The following NDUFS7 variants were observed in gnomAD, a reference collection of about 807,000 sequenced individuals.
NDUFS7 encodes NADH:ubiquinone oxidoreductase core subunit S7.
A neutral mutation model predicts 31.1 loss-of-function variants in NDUFS7; 11 were observed. The observed-to-expected ratio is 0.35, with a 90% CI of 0.22 to 0.59. The LOEUF (loss-of-function observed/expected upper bound fraction) is 0.59. Among genes scored for constraint, NDUFS7 ranks in the 20% least tolerant of loss-of-function variants. The pLI is 0.79. For missense variants in NDUFS7, 263 were observed against 324.2 expected (o/e 0.81, Z 1.45); for synonymous variants, 136 against 127.9 (o/e 1.06, Z -0.43).
intron 1 of NDUFS7, chr19:1,387,595 C>T (rs147676790): frequency 4.8e-5 from 29 of 598,010 alleles, no homozygotes; most frequent in East Asian, 8.5e-5. Flanking sequence ...GACGGGGCAG[C>T]GTTTGGGTTC....
chr19:1,394,841 T>G lies in NDUFS7; in HGVS notation c.545-550T>G, dbSNP rs1226148955. The stretch of plus-strand genomic sequence containing the variant: ...CTGCTGTCCCCGTTGGGCCCTGGGC[T>G]TCGTCCTCTTGCTCAAGCCCTTTGT... On this transcript the variant is annotated intron_variant, in intron 7 of 7. Transcript: ENST00000233627. 7 of 1,154,932 alleles carry G rather than the reference T, an allele frequency of 6.1e-6. No individual in the cohort carries two copies. In the East Asian group the frequency reaches 4.7e-4, roughly 78 times the overall value. The allele number at this position is 1,154,932 out of a possible 1,614,324, so 71.5% of individuals were successfully genotyped here.
intron 6 of NDUFS7, chr19:1,392,098 C>G (rs2082561803): frequency 6.6e-6 from 1 of 152,112 alleles, no homozygotes; most frequent in African/African-American, 2.4e-5. Context: ...CCACCCACCT[C>G]AGCCTCCCAA....
intron 7 of NDUFS7, chr19:1,394,686 TC>T: frequency 8.3e-7 from 1 of 1,210,448 alleles, no homozygotes; most frequent in Admixed American, 2.9e-5. Context: ...ACTGTGCTGC[TC>T]CCTCCCTGCG....
chr19:1,394,781 G>A (rs2082584543), intron 7 of NDUFS7: 1 of 1,183,680 alleles, frequency 8.4e-7, no homozygotes, highest in South Asian at 1.6e-5. Flanking sequence ...CCCAGGCCCT[G>A]CAGTGGCCTT....
chr19:1,390,753 C>T, intron 4 of NDUFS7, 118 bp from the exon 5 acceptor site: 1 of 1,228,294 alleles, frequency 8.1e-7, no homozygotes, highest in Non-Finnish European at 1.1e-6. Context: ...TGCCTCTCAC[C>T]TCTGCCGGCT....
chr19:1,389,182 C>T (rs1199597582), intron 4 of NDUFS7: 2 of 693,672 alleles, frequency 2.9e-6, no homozygotes, highest in Non-Finnish European at 5.2e-6. Flanking sequence ...CACACATGCA[C>T]ACACAAGCAC....
intron 6 of NDUFS7, chr19:1,392,039 A>C (rs1389294827): frequency 6.6e-6 from 1 of 151,688 alleles, no homozygotes; most frequent in East Asian, 1.9e-4. Context: ...AGTAAAGAAG[A>C]GGTTTCACCA....
rs116889903 is a variant in NDUFS7 at position 1,389,253 on chromosome 19, G to A, written c.228+315G>A. On this transcript the variant is annotated intron_variant, in intron 4 of 7. Coordinates refer to ENST00000233627, the MANE Select transcript of NDUFS7 (RefSeq NM_024407.5). Reference sequence around the variant, plus strand: ...CACTTGCACTCATGCACACTCATGCGCACATATACACATGCACACGCACAC... The same window carrying A: ...CACTTGCACTCATGCACACTCATGCACACATATACACATGCACACGCACAC... 8,826 of 648,634 alleles carry A rather than the reference G, an allele frequency of 0.014. 101 individuals carry two copies. Among genetic ancestry groups the A allele is most frequent in the Admixed American group, 0.033 (1,589 of 47,930 alleles). The allele number at this position is 648,634 out of a possible 1,614,324, so 40.2% of individuals were successfully genotyped here. A position where few individuals can be genotyped will look rare whatever the true frequency, so the allele number is the denominator to read the frequency against.
Position 1,393,286 on chromosome 19 carries a change from T to C in NDUFS7, c.500T>C (p.Val167Ala). The change falls in exon 7 of 8, where the codon GTG (valine) becomes GCG (alanine). Residue 167 changes from valine (V) to alanine (A), a missense_variant. By Grantham distance (64) the Val-to-Ala change is moderately conservative (BLOSUM62 0). Transcript: ENST00000233627. The surrounding 1 kb of genome is among the most constrained non-coding windows in gnomAD (Gnocchi z 7.3). ...TACTACCACTATTCCTACTCGGTGG[T>C]GAGGGGCTGCGACCGCATCGTGCCC... ...GGYYHYSYSV[V>A]RGCDRIVPVD... is the part of the protein sequence containing the mutation. 6.3e-7 allele frequency: 1 copy of C among 1,589,264 alleles called. No homozygotes were observed. Among genetic ancestry groups the C allele is most frequent in the Non-Finnish European group, 8.6e-7 (1 of 1,168,966 alleles).
rs749565193 is a variant in NDUFS7, at chr19:1,395,346, C to T, written c.545-45C>T. The T allele has an allele frequency of 1.7e-5, 27 of 1,575,222 alleles. No homozygotes were observed. In the East Asian group the frequency reaches 1.8e-4, roughly 11 times the overall value. On this transcript the variant is annotated intron_variant, in intron 7 of 7. Transcript: ENST00000233627. ...CGGCTGCGCTGTGCACGCGGTCACG[C>T]GGGCTCCGGCTGCGGGAAGCGAGAC...
intron 4 of NDUFS7, chr19:1,389,830 C>T (rs961111560): frequency 3.8e-5 from 12 of 311,986 alleles, no homozygotes; most frequent in East Asian, 8.7e-5. Flanking sequence ...CCACGGCGAA[C>T]GTCCTGCCAG....
At chr19:1,394,990 G>A (rs768048936) in intron 7 of NDUFS7, 362 of 1,127,026 alleles carry the variant, frequency 3.2e-4, no homozygotes, top group East Asian at 9.9e-4. Flanking sequence ...CCCTCCCTCC[G>A]CCCAGCCTCC....
At chr19:1,384,001 C>T in intron 1 of NDUFS7, 59 bp downstream of exon 1, 1 of 1,526,536 alleles carries the variant, frequency 6.6e-7, no homozygotes, top group Non-Finnish European at 8.8e-7. Flanking sequence ...GTGGGAGCCT[C>T]GGGTGTCGTG....
At chr19:1,390,710 T>C (rs1600149938) in intron 4 of NDUFS7, 161 bp from the exon 5 acceptor site, 1 of 709,498 alleles carries the variant, frequency 1.4e-6, no homozygotes, top group Non-Finnish European at 2.4e-6. Flanking sequence ...TTTACAACTC[T>C]TGGGGCCCGG....
Position 1,390,969 on chromosome 19 carries a change from CT to C in NDUFS7, c.329del (p.Phe110SerfsTer11). 1 of 1,612,472 alleles carries C rather than the reference CT, an allele frequency of 6.2e-7. No homozygotes were observed. Among genetic ancestry groups the C allele is most frequent in the Non-Finnish European group, 8.5e-7 (1 of 1,179,546 alleles). On this transcript the variant is annotated frameshift_variant, in exon 5 of 8. Transcript: ENST00000233627. LOFTEE classifies it high-confidence loss of function. ...ACGACATGGACCGCTTTGGCGTGGT[CT>C]TCCGCGCCAGCCCGCGCCAGTCCGA... ...RYDMDRFGVV[F>X]RASPRQSDVM...
At chr19:1,383,983 C>G (rs781627994) in intron 1 of NDUFS7, 41 bp downstream of exon 1, 7 of 1,546,468 alleles carry the variant, frequency 4.5e-6, no homozygotes, top group South Asian at 1.2e-5. Context: ...CCGCGCGGGT[C>G]TGGGGCCGTG....
At chr19:1,387,412 ACCTG>A (rs958413126) in intron 1 of NDUFS7, among the ~76,000 whole-genome samples, 1 of 152,074 alleles carries the variant, frequency 6.6e-6, no homozygotes, top group African/African-American at 2.4e-5. Context: ...CTGAACTGAA[ACCTG>A]CCTCATGAGA....
chr19:1,389,489 C>A (rs552702807), intron 4 of NDUFS7: 17 of 457,408 alleles, frequency 3.7e-5, no homozygotes, highest in Non-Finnish European at 7.0e-5. Flanking sequence ...GTGGTTCCAT[C>A]TGAGGATTCG....
chr19:1,387,896 G>A (rs376648965), intron 2 of NDUFS7, 49 bp downstream of exon 2: 16 of 816,184 alleles, frequency 2.0e-5, no homozygotes, highest in African/African-American at 1.4e-4. Context: ...CTTCAGCAGC[G>A]ACAGACGAAC....
Sources: allele counts gnomAD v4.1 joint callset (sites outside exome capture counted in the v4.1 genomes callset), GRCh38; gene constraint gnomAD v4.1.1; non-coding constraint Gnocchi (gnomAD v3.1); transcripts MANE v1.5; gene names NCBI Gene and HGNC (gene_info 2026-07-23, HGNC 2026-07-21).